Variants in FAM227B observed in about 807,000 individuals in gnomAD.
FAM227B encodes the protein family with sequence similarity 227 member B.
Under a neutral mutation model 73.8 loss-of-function variants are expected in FAM227B, and 88 were observed. The observed-to-expected ratio is 1.19, with a 90% CI of 1.00 to 1.42. The LOEUF is 1.42. FAM227B is among the 40% of genes most tolerant of loss of function. The pLI, the probability that FAM227B is intolerant of heterozygous loss-of-function variation, is 0.00. For missense variants in FAM227B, 632 were observed against 590.9 expected, an observed-to-expected ratio of 1.07 and a Z score of -0.72; for synonymous variants, 210 against 190.5, an observed-to-expected ratio of 1.10 and a Z score of -0.84.
At chr15:49,437,353 G>A (rs1420976909) in intron 11 of FAM227B, among the ~76,000 whole-genome samples, 1 of 151,576 alleles carries the variant, frequency 6.6e-6, no homozygotes, top group African/African-American at 2.4e-5. Context: ...GAAGGATGGT[G>A]AAAAAGAAAC....
chr15:49,563,722 C>CG, intron 9 of FAM227B, among the ~76,000 whole-genome samples: 1 of 151,950 alleles, frequency 6.6e-6, no homozygotes, highest in South Asian at 2.1e-4. Context: ...AACAAGTAGA[C>CG]AAAACAAGCA....
At chr15:49,609,112 T>C (rs1162847829) in intron 3 of FAM227B, among the ~76,000 whole-genome samples, 1 of 151,692 alleles carries the variant, frequency 6.6e-6, no homozygotes, top group Non-Finnish European at 1.5e-5. Context: ...AATGAGTGAA[T>C]GAATAGGATA....
chr15:49,560,434 C>T (rs1271519937), intron 9 of FAM227B, among the ~76,000 whole-genome samples: 1 of 152,122 alleles, frequency 6.6e-6, no homozygotes, highest in Non-Finnish European at 1.5e-5. Context: ...AGAACAAGTT[C>T]ACAACCTGGA....
intron 10 of FAM227B, among the ~76,000 whole-genome samples, chr15:49,518,898 G>T (rs1014580903): frequency 6.6e-6 from 1 of 152,118 alleles, no homozygotes; most frequent in Admixed American, 6.5e-5. Context: ...TAACTCAAAA[G>T]TCTACAGTCC....
At chr15:49,443,259 A>T (rs545346092) in intron 11 of FAM227B, among the ~76,000 whole-genome samples, 42 of 151,388 alleles carry the variant, frequency 2.8e-4, no homozygotes, top group African/African-American at 9.9e-4. Context: ...AATACTCAAA[A>T]CTCTTTACTA....
chr15:49,436,419 A>C (rs1264035623), intron 11 of FAM227B, among the ~76,000 whole-genome samples: 1 of 151,698 alleles, frequency 6.6e-6, no homozygotes, highest in African/African-American at 2.4e-5. Context: ...TTTTATCAAC[A>C]CAAGCTGGTT....
chr15:49,411,498 T>C (rs556777235), intron 11 of FAM227B, among the ~76,000 whole-genome samples: 1 of 152,176 alleles, frequency 6.6e-6, no homozygotes, highest in Non-Finnish European at 1.5e-5. Context: ...ATAAAGTATA[T>C]TTATTGTCAC....
At chr15:49,353,899 G>C (rs1596427869) in intron 13 of FAM227B, 1 of 152,086 alleles carries the variant, frequency 6.6e-6, no homozygotes, top group Non-Finnish European at 1.5e-5. Context: ...AAATACAATT[G>C]ATAGTTACTT....
At chr15:49,357,203 A>T (rs939347723) in intron 13 of FAM227B, among the ~76,000 whole-genome samples, 34 of 149,944 alleles carry the variant, frequency 2.3e-4, no homozygotes, top group African/African-American at 7.9e-4. Flanking sequence ...ACACATTCAA[A>T]AGCTAGCAGA....
At chr15:49,365,458 C>G in intron 13 of FAM227B, 1 of 898,166 alleles carries the variant, frequency 1.1e-6, no homozygotes, top group Non-Finnish European at 1.9e-6. Context: ...GTCTCCAAAG[C>G]CCAATATTGA....
chr15:49,396,403 G>A (rs905051739), intron 11 of FAM227B: 8 of 213,612 alleles, frequency 3.7e-5, no homozygotes, highest in South Asian at 1.5e-4. Flanking sequence ...ACTGCAAGGC[G>A]GCAGCGAGGC....
intron 11 of FAM227B, among the ~76,000 whole-genome samples, chr15:49,495,524 A>C (rs2413953): frequency 0.33 from 49,837 of 151,972 alleles, 8,944 homozygotes; most frequent in African/African-American, 0.46. Context: ...GTCTGACCAT[A>C]TTAATAGCAT....
intron 11 of FAM227B, among the ~76,000 whole-genome samples, chr15:49,403,389 T>C (rs1044571153): frequency 6.6e-6 from 1 of 152,202 alleles, no homozygotes; most frequent in Non-Finnish European, 1.5e-5. Flanking sequence ...ATGAATCTGG[T>C]CCTGCATTTT....
intron 13 of FAM227B, among the ~76,000 whole-genome samples, chr15:49,364,396 G>A (rs1401730504): frequency 6.6e-6 from 1 of 152,074 alleles, no homozygotes; most frequent in Non-Finnish European, 1.5e-5. Flanking sequence ...TAGCTTGTGT[G>A]CATAGAGATG....
chr15:49,480,069 A>G (rs1465889282), intron 11 of FAM227B, among the ~76,000 whole-genome samples: 1 of 152,190 alleles, frequency 6.6e-6, no homozygotes, highest in Non-Finnish European at 1.5e-5. Flanking sequence ...TAGACTAGAA[A>G]ATAGGGTTGA....
intron 10 of FAM227B, among the ~76,000 whole-genome samples, chr15:49,521,172 G>A (rs1422033751): frequency 6.6e-6 from 1 of 152,140 alleles, no homozygotes; most frequent in African/African-American, 2.4e-5. Flanking sequence ...TCTTAGCCCT[G>A]TGTTGTTGCA....
intron 14 of FAM227B, among the ~76,000 whole-genome samples, chr15:49,334,705 A>G (rs1596248035): frequency 6.6e-6 from 1 of 152,134 alleles, no homozygotes; most frequent in Admixed American, 6.5e-5. Flanking sequence ...TGGATAGGAC[A>G]TAACTGGTGG....
In FAM227B at chr15:49,327,100, G is replaced by GTGAT. The variant is rs2151107740; in HGVS notation, c.*1464_*1467dup. The GTGAT allele has an allele frequency of 6.6e-6, 1 of 152,324 alleles. No homozygotes were observed. Among genetic ancestry groups the GTGAT allele is most frequent in the African/African-American group, 2.4e-5 (1 of 41,566 alleles). The allele number at this position is 152,324 out of a possible 1,614,324, so 9.4% of individuals were successfully genotyped here. A position where few individuals can be genotyped will look rare whatever the true frequency, so the allele number is the denominator to read the frequency against. ...TAAAGCTAAGTGATCTGTGTACATT[G>GTGAT]TGATAGGGCCTTTCACTTTGGTTGA... is the stretch of plus-strand genomic sequence containing the variant. On this transcript the variant is annotated 3_prime_UTR_variant, in exon 16 of 16. Coordinates refer to ENST00000299338, the MANE Select transcript of FAM227B (RefSeq NM_152647.3).
intron 11 of FAM227B, chr15:49,423,269 C>G (rs1289671020): frequency 6.6e-6 from 1 of 152,154 alleles, no homozygotes; most frequent in African/African-American, 2.4e-5. Flanking sequence ...CACACGCGCT[C>G]ACACACAGAG....
Sources: gnomAD v4.1 joint callset for allele counts (sites outside exome capture counted in the v4.1 genomes callset) on GRCh38, gnomAD v4.1.1 for gene constraint, MANE v1.5 for transcripts, NCBI Gene and HGNC (gene_info 2026-07-23, HGNC 2026-07-21) for gene names.